ATP6V0E1: variants seen among roughly 807,000 people sequenced by gnomAD.
ATP6V0E1 encodes ATPase H+ transporting V0 subunit e1.
In ATP6V0E1, 4 loss-of-function variants were observed where a neutral mutation model predicts 11.6. The ratio of observed to expected loss-of-function variants is 0.35; its 90% confidence interval spans 0.17 to 0.79. The LOEUF (loss-of-function observed/expected upper bound fraction) is 0.79. Among genes scored for constraint, ATP6V0E1 ranks in the 30% least tolerant of loss-of-function variants. The pLI is 0.54. For missense variants in ATP6V0E1, 105 were observed against 100.0 expected (o/e 1.05, Z -0.21); for synonymous variants, 36 against 34.8 (o/e 1.04, Z -0.13).
chr5:173,023,206 C>T lies in ATP6V0E1; in HGVS notation c.*36+2839C>T, dbSNP rs512796. On this transcript the variant is annotated intron_variant, in intron 3 of 3. Coordinates refer to ENST00000519374, the MANE Select transcript of ATP6V0E1 (RefSeq NM_003945.4). Reference sequence around the variant, plus strand: ...ATTTTTATTTATTTATTTATTTATTCATTTTGAGACAGAGTCTTGCTCTAT... The same window carrying T: ...ATTTTTATTTATTTATTTATTTATTTATTTTGAGACAGAGTCTTGCTCTAT... Among the ~76,000 whole-genome samples, 67 of 9,884 alleles carry T rather than the reference C, an allele frequency of 6.8e-3. No individual in the cohort carries two copies. In the African/African-American group the frequency reaches 0.11, roughly 16 times the overall value. 6.5% of individuals were successfully genotyped at this position (9,884 alleles called of 152,430 possible). A position where few individuals can be genotyped will look rare whatever the true frequency, so the allele number is the denominator to read the frequency against.
chr5:173,000,701 ATT>A (rs34202828), intron 2 of ATP6V0E1, among the ~76,000 whole-genome samples: 123 of 139,898 alleles, frequency 8.8e-4, no homozygotes, highest in African/African-American at 2.5e-3. Context: ...ATTATCAGTG[ATT>A]TTTTTTTTTT....
At chr5:173,025,504 CTTTTT>C (rs60822937) in intron 3 of ATP6V0E1, among the ~76,000 whole-genome samples, 5 of 65,568 alleles carry the variant, frequency 7.6e-5, no homozygotes, top group African/African-American at 2.1e-4. Flanking sequence ...ATATAAAATA[CTTTTT>C]TTTTTTTTTT....
At chr5:173,019,565 A>G (rs1156638089) in intron 2 of ATP6V0E1, among the ~76,000 whole-genome samples, 5 of 152,136 alleles carry the variant, frequency 3.3e-5, no homozygotes, top group Admixed American at 3.3e-4. Context: ...AAAAAAAAAA[A>G]ACCCTGAAGT....
At chr5:172,998,331 G>A (rs1756099319) in intron 2 of ATP6V0E1, among the ~76,000 whole-genome samples, 1 of 151,714 alleles carries the variant, frequency 6.6e-6, no homozygotes, top group African/African-American at 2.4e-5. Context: ...ATGAAGCCTG[G>A]TGTGGTGGCT....
chr5:172,997,906 C>T (rs1054023656), intron 2 of ATP6V0E1, among the ~76,000 whole-genome samples: 5 of 151,842 alleles, frequency 3.3e-5, no homozygotes, highest in African/African-American at 4.8e-5. Context: ...CACTTGAGCC[C>T]GGGAGTTCAA....
intron 3 of ATP6V0E1, 21 bp downstream of exon 3, chr5:173,020,388 T>C: frequency 7.2e-7 from 1 of 1,382,100 alleles, no homozygotes; most frequent in Non-Finnish European, 1.0e-6. Context: ...TTGTGACCTT[T>C]CTTATCAGTA....
intron 3 of ATP6V0E1, among the ~76,000 whole-genome samples, chr5:173,028,459 A>G (rs1474887530): frequency 6.6e-6 from 1 of 152,232 alleles, no homozygotes; most frequent in Non-Finnish European, 1.5e-5. Context: ...GGTTTAGTAC[A>G]TGATTCCTTT....
intron 2 of ATP6V0E1, among the ~76,000 whole-genome samples, chr5:172,996,411 A>G (rs1239588731): frequency 6.6e-6 from 1 of 151,974 alleles, no homozygotes; most frequent in Admixed American, 6.6e-5. Flanking sequence ...TACAAAAAAA[A>G]ATTAGCTGGG....
In ATP6V0E1 at chr5:172,983,836, A is replaced by AGG; in HGVS notation, c.-22_-21dup. On this transcript the variant is annotated 5_prime_UTR_variant, in exon 1 of 4. Coordinates refer to ENST00000519374, the MANE Select transcript of ATP6V0E1 (RefSeq NM_003945.4). ...TGGGATCCGAGTGAGGCGACGGGGT[A>AGG]GGGGTTGGCGCTCAGGCGGCGACCA... 6.3e-7 allele frequency: 1 copy of AGG among 1,598,948 alleles called. No homozygotes were observed. Among genetic ancestry groups the AGG allele is most frequent in the East Asian group, 2.2e-5 (1 of 44,788 alleles).
intron 2 of ATP6V0E1, among the ~76,000 whole-genome samples, chr5:173,011,889 T>C (rs976470687): frequency 6.6e-6 from 1 of 152,142 alleles, no homozygotes; most frequent in African/African-American, 2.4e-5. Flanking sequence ...GGATTTTTTT[T>C]CCCTTCCAGT....
chr5:173,025,636 A>G (rs976050120), intron 3 of ATP6V0E1, among the ~76,000 whole-genome samples: 2 of 141,192 alleles, frequency 1.4e-5, no homozygotes, highest in African/African-American at 5.3e-5. Context: ...CTGGGACTGT[A>G]GACACGTGAC....
At chr5:173,034,168 T>C (rs1049399246) in intron 3 of ATP6V0E1, among the ~76,000 whole-genome samples, 4 of 152,222 alleles carry the variant, frequency 2.6e-5, no homozygotes, top group African/African-American at 7.2e-5. Flanking sequence ...TTCTGTAACA[T>C]AGAGTGTTAC....
intron 3 of ATP6V0E1, among the ~76,000 whole-genome samples, chr5:173,024,506 C>T (rs930274699): frequency 6.6e-6 from 1 of 151,672 alleles, no homozygotes; most frequent in African/African-American, 2.4e-5. Context: ...ATGTCCAGGC[C>T]CCTCTTCTAT....
chr5:173,030,625 G>A (rs1282689000), intron 3 of ATP6V0E1, among the ~76,000 whole-genome samples: 2 of 151,160 alleles, frequency 1.3e-5, no homozygotes, highest in African/African-American at 4.9e-5. Flanking sequence ...ATTTTTAGTA[G>A]AGACGGGGTT....
intron 2 of ATP6V0E1, among the ~76,000 whole-genome samples, chr5:172,995,601 A>C (rs1756053152): frequency 6.6e-6 from 1 of 152,086 alleles, no homozygotes. Flanking sequence ...ACATACCATA[A>C]AAATAATCCT....
intron 2 of ATP6V0E1, among the ~76,000 whole-genome samples, chr5:172,996,403 C>CA (rs1304848300): frequency 5.0e-4 from 76 of 150,502 alleles, no homozygotes; most frequent in Middle Eastern, 3.4e-3. Flanking sequence ...ATTAAAAATA[C>CA]AAAAAAAAAT....
At chr5:172,984,783 T>C (rs951264587) in intron 1 of ATP6V0E1, among the ~76,000 whole-genome samples, 1 of 152,222 alleles carries the variant, frequency 6.6e-6, no homozygotes, top group Non-Finnish European at 1.5e-5. Flanking sequence ...TTCAAGATGA[T>C]GAGAGGTGAA....
intron 2 of ATP6V0E1, among the ~76,000 whole-genome samples, chr5:173,000,099 T>G (rs1405539870): frequency 6.6e-6 from 1 of 152,160 alleles, no homozygotes; most frequent in African/African-American, 2.4e-5. Flanking sequence ...GCTTTCAAAG[T>G]CATGTTTTGA....
chr5:173,004,622 A>G (rs1756202973), intron 2 of ATP6V0E1, among the ~76,000 whole-genome samples: 1 of 152,232 alleles, frequency 6.6e-6, no homozygotes, highest in East Asian at 1.9e-4. Flanking sequence ...GGATGGGGTC[A>G]TAATAGATGG....
Sources: gnomAD v4.1 joint callset for allele counts (sites outside exome capture counted in the v4.1 genomes callset) on GRCh38, gnomAD v4.1.1 for gene constraint, MANE v1.5 for transcripts, NCBI Gene and HGNC (gene_info 2026-07-23, HGNC 2026-07-21) for gene names.